Variants in MKLN1 observed in about 807,000 individuals in gnomAD.
MKLN1 encodes muskelin.
MKLN1 carries 18 observed loss-of-function variants against 99.0 expected under a neutral mutation model. That is an observed-to-expected ratio of 0.18 (90% confidence interval 0.13 to 0.27). The LOEUF (loss-of-function observed/expected upper bound fraction) is 0.27. Among genes scored for constraint, MKLN1 ranks in the 10% least tolerant of loss-of-function variants. The pLI, the probability that MKLN1 is intolerant of heterozygous loss-of-function variation, is 1.00. For synonymous variants in MKLN1, 288 were observed against 293.2 expected, an observed-to-expected ratio of 0.98 and a Z score of 0.18; for missense variants, 621 against 875.9, an observed-to-expected ratio of 0.71 and a Z score of 3.67.
chr7:131,389,003 A>G lies in MKLN1; in HGVS notation c.400+31A>G. The G allele has an allele frequency of 2.1e-6, 3 of 1,447,436 alleles. No individual in the cohort carries two copies. In the South Asian group the frequency reaches 3.6e-5, roughly 17 times the overall value. The allele number at this position is 1,447,436 out of a possible 1,614,324, so 89.7% of individuals were successfully genotyped here. A position where few individuals can be genotyped will look rare whatever the true frequency, so the allele number is the denominator to read the frequency against. On this transcript the variant is annotated intron_variant, in intron 4 of 17. Coordinates refer to ENST00000352689, the MANE Select transcript of MKLN1 (RefSeq NM_013255.5). The stretch of plus-strand genomic sequence containing the variant: ...ATTTTAGCATTCTGAAATAGAAACA[A>G]ATTCTTGATATCATCAGTCAGCAAA...
rs1797409448 is a variant in MKLN1 at position 131,491,027 on chromosome 7, T to C, written c.*3299T>C. On this transcript the variant is annotated 3_prime_UTR_variant, in exon 18 of 18. Coordinates refer to ENST00000352689, the MANE Select transcript of MKLN1 (RefSeq NM_013255.5). Reference sequence around the variant, plus strand: ...TATACTCAATTTCATGGTAATTACATGAAGAAGTTACCTGCAATTATTCTT... The same window carrying C: ...TATACTCAATTTCATGGTAATTACACGAAGAAGTTACCTGCAATTATTCTT... 1 of 152,172 alleles carries C rather than the reference T, an allele frequency of 6.6e-6. No individual in the cohort carries two copies. The highest frequency in any genetic ancestry group is 1.5e-5 in the Non-Finnish European group (1 of 68,014). 9.4% of individuals were successfully genotyped at this position (152,172 alleles called of 1,614,324 possible). A position where few individuals can be genotyped will look rare whatever the true frequency, so the allele number is the denominator to read the frequency against.
chr7:131,464,702 A>G (rs980482194), intron 14 of MKLN1, among the ~76,000 whole-genome samples: 2 of 152,220 alleles, frequency 1.3e-5, no homozygotes, highest in African/African-American at 4.8e-5. Flanking sequence ...CTACAATGTG[A>G]CTATCCAAGT....
At chr7:131,441,940 C>T (rs921076441) in intron 10 of MKLN1, among the ~76,000 whole-genome samples, 1 of 152,148 alleles carries the variant, frequency 6.6e-6, no homozygotes, top group Non-Finnish European at 1.5e-5. Context: ...ACTTCAGAAA[C>T]GGAAATGTGA....
At chr7:131,452,964 G>A (rs905396907) in intron 12 of MKLN1, among the ~76,000 whole-genome samples, 5 of 152,120 alleles carry the variant, frequency 3.3e-5, no homozygotes, top group African/African-American at 1.2e-4. Flanking sequence ...ACTAGAAAAT[G>A]GTAGCGCTTA....
intron 3 of MKLN1, among the ~76,000 whole-genome samples, chr7:131,241,701 CTAGCTTTTA>C (rs1797406649): frequency 6.6e-6 from 1 of 152,198 alleles, no homozygotes; most frequent in Non-Finnish European, 1.5e-5. Context: ...GTCACAACAC[CTAGCTTTTA>C]AGTACTTGAA....
At chr7:131,159,413 G>A (rs565251358) in intron 2 of MKLN1, among the ~76,000 whole-genome samples, 1 of 152,260 alleles carries the variant, frequency 6.6e-6, no homozygotes, top group Non-Finnish European at 1.5e-5. Flanking sequence ...CATGTCATTT[G>A]CAGCAACATG....
chr7:131,322,640 G>A (rs1478861468), intron 3 of MKLN1, among the ~76,000 whole-genome samples: 5 of 145,012 alleles, frequency 3.4e-5, no homozygotes, highest in African/African-American at 7.7e-5. Flanking sequence ...GCGCAATCTC[G>A]GCTCACTGCA....
chr7:131,285,988 C>T (rs1239575919), intron 3 of MKLN1, among the ~76,000 whole-genome samples: 3 of 148,742 alleles, frequency 2.0e-5, no homozygotes, highest in African/African-American at 7.5e-5. Context: ...CACAGTTTCA[C>T]TCTGTCGCCC....
intron 2 of MKLN1, among the ~76,000 whole-genome samples, chr7:131,382,374 A>T (rs955113093): frequency 1.4e-4 from 22 of 152,140 alleles, no homozygotes; most frequent in Non-Finnish European, 1.5e-4. Context: ...TTCTCCCAAA[A>T]AAAAAACAAA....
At chr7:131,360,541 T>C (rs775279118) in intron 1 of MKLN1, among the ~76,000 whole-genome samples, 1 of 152,214 alleles carries the variant, frequency 6.6e-6, no homozygotes, top group Non-Finnish European at 1.5e-5. Context: ...AACAGTGTAC[T>C]ATTTCATGTG....
intron 3 of MKLN1, among the ~76,000 whole-genome samples, chr7:131,243,761 C>A (rs1273853740): frequency 6.6e-6 from 1 of 152,142 alleles, no homozygotes; most frequent in African/African-American, 2.4e-5. Context: ...CGTCTGTAAT[C>A]CCAGCACTTT....
At chr7:131,315,673 C>T (rs1287614355) in intron 3 of MKLN1, among the ~76,000 whole-genome samples, 1 of 152,188 alleles carries the variant, frequency 6.6e-6, no homozygotes, top group African/African-American at 2.4e-5. Context: ...TGCCAGCACA[C>T]CAGTCTGAAG....
intron 2 of MKLN1, chr7:131,142,992 T>C (rs1350105507): frequency 1.7e-6 from 2 of 1,210,368 alleles, no homozygotes; most frequent in Non-Finnish European, 2.2e-6. Context: ...AAAAAAGTAC[T>C]GTACCTATAT....
At chr7:131,302,954 A>G (rs1798397315) in intron 3 of MKLN1, among the ~76,000 whole-genome samples, 1 of 152,092 alleles carries the variant, frequency 6.6e-6, no homozygotes, top group Non-Finnish European at 1.5e-5. Flanking sequence ...TGTGGTACCA[A>G]ACTGTGCGCT....
intron 3 of MKLN1, among the ~76,000 whole-genome samples, chr7:131,259,060 G>C (rs1236200308): frequency 1.3e-5 from 2 of 151,984 alleles, no homozygotes; most frequent in African/African-American, 4.8e-5. Flanking sequence ...CCTACACTTT[G>C]GCTTTGGGTT....
intron 2 of MKLN1, among the ~76,000 whole-genome samples, chr7:131,143,924 C>G (rs891132079): frequency 6.6e-6 from 1 of 152,224 alleles, no homozygotes; most frequent in African/African-American, 2.4e-5. Context: ...ATGTGTAGTT[C>G]AACCATACTC....
chr7:131,158,410 G>T (rs1355493835), intron 2 of MKLN1, among the ~76,000 whole-genome samples: 1 of 152,174 alleles, frequency 6.6e-6, no homozygotes, highest in African/African-American at 2.4e-5. Context: ...CTCCAGCCTG[G>T]GCTACAGAGT....
At chr7:131,369,515 C>T (rs544692838) in intron 1 of MKLN1, among the ~76,000 whole-genome samples, 31 of 152,102 alleles carry the variant, frequency 2.0e-4, no homozygotes, top group Non-Finnish European at 3.8e-4. Context: ...AATGACTCTT[C>T]AGTGACTTGC....
intron 3 of MKLN1, among the ~76,000 whole-genome samples, chr7:131,296,231 G>C (rs1798289639): frequency 6.6e-6 from 1 of 152,154 alleles, no homozygotes; most frequent in African/African-American, 2.4e-5. Flanking sequence ...TATAATAATA[G>C]TGTAAGTAGA....
Sources: gnomAD v4.1 joint callset for allele counts (sites outside exome capture counted in the v4.1 genomes callset) on GRCh38, gnomAD v4.1.1 for gene constraint, MANE v1.5 for transcripts, NCBI Gene and HGNC (gene_info 2026-07-23, HGNC 2026-07-21) for gene names.